The following IGFBP7 variants were observed in gnomAD, a reference collection of about 807,000 sequenced individuals.
IGFBP7 encodes the protein insulin-like growth factor-binding protein 7.
Under a neutral mutation model 29.4 loss-of-function variants are expected in IGFBP7, and 31 were observed. The observed-to-expected ratio is 1.05, with a 90% CI of 0.79 to 1.42. The LOEUF (loss-of-function observed/expected upper bound fraction) is 1.42, where lower values mean the gene tolerates loss of function less well. IGFBP7 is among the 40% of genes most tolerant of loss of function. The probability of loss-of-function intolerance (pLI) is 0.00; values close to 1 mark genes in which losing one functional copy is unlikely to be tolerated. For missense variants in IGFBP7, 393 were observed against 395.5 expected, an observed-to-expected ratio of 0.99 and a Z score of 0.05; for synonymous variants, 172 against 174.9, an observed-to-expected ratio of 0.98 and a Z score of 0.13.
At chr4:57,054,639 CAAAAAAA>C (rs75161514) in intron 1 of IGFBP7, among the ~76,000 whole-genome samples, 4 of 27,896 alleles carry the variant, frequency 1.4e-4, no homozygotes, top group Admixed American at 6.0e-4. Flanking sequence ...CTCTCTCTCA[CAAAAAAA>C]AAAAAAAAAA....
chr4:57,094,988 C>T (rs73242646), intron 1 of IGFBP7, among the ~76,000 whole-genome samples: 18,240 of 152,270 alleles, frequency 0.12, 1,211 homozygotes, highest in African/African-American at 0.17. Context: ...AGCACCCCTC[C>T]TACAGTCTGT....
intron 1 of IGFBP7, among the ~76,000 whole-genome samples, chr4:57,078,616 C>T (rs987996102): frequency 6.6e-6 from 1 of 152,176 alleles, no homozygotes; most frequent in Admixed American, 6.5e-5. Flanking sequence ...CCTCCCCTCT[C>T]ACAGAACACC....
intron 1 of IGFBP7, among the ~76,000 whole-genome samples, chr4:57,092,715 T>C (rs1024573506): frequency 6.6e-6 from 1 of 150,762 alleles, no homozygotes. Context: ...GTAATTCCAA[T>C]TTGGGATCTA....
Position 57,032,500 on chromosome 4 carries a change from T to C in IGFBP7, c.755A>G (p.Asn252Ser), listed in dbSNP as rs779408606. 1.2e-6 allele frequency: 2 copies of C among 1,614,132 alleles called. No individual in the cohort carries two copies. Among genetic ancestry groups the C allele is most frequent in the Non-Finnish European group, 1.7e-6 (2 of 1,179,976 alleles). Residue 252 changes from asparagine to serine, a missense_variant, in exon 4 of 5, where the codon AAT becomes AGT. Transcript: ENST00000295666. ...DAGEYECHAS[N>S]SQGQASASAK... is the part of the protein sequence containing the mutation. ...TGATGCTGAAGCCTGTCCTTGGGAA[T>C]TGGATGCATGGCACTCATATTCTCC...
intron 2 of IGFBP7, among the ~76,000 whole-genome samples, chr4:57,034,644 A>G (rs1450145407): frequency 1.3e-5 from 2 of 152,106 alleles, no homozygotes; most frequent in African/African-American, 4.8e-5. Flanking sequence ...CACTCCTACC[A>G]TGTGTTTTTT....
rs1301908014 is a variant in IGFBP7 at position 57,110,247 on chromosome 4, G to A, written c.105C>T (p.Cys35=). The change falls in exon 1 of 5, where the codon TGC becomes TGT. Residue 35 remains cysteine (C), a synonymous_variant. Coordinates refer to ENST00000295666, the MANE Select transcript of IGFBP7 (RefSeq NM_001553.3). ...GCAGGGGCGGGCAGGAGGCCGGCTC[G>A]CAGGGGCCGCAGGTGTCCGAAGAGG... ...SSSSSDTCGP[C]EPASCPPLPP... 3 of 1,393,068 alleles carry A rather than the reference G, an allele frequency of 2.2e-6. No individual in the cohort carries two copies. The highest frequency in any genetic ancestry group is 1.5e-5 in the African/African-American group (1 of 66,736). 86.3% of individuals were successfully genotyped at this position (1,393,068 alleles called of 1,614,324 possible). A position where few individuals can be genotyped will look rare whatever the true frequency, so the allele number is the denominator to read the frequency against.
chr4:57,101,119 C>T (rs1337571388), intron 1 of IGFBP7, among the ~76,000 whole-genome samples: 1 of 152,226 alleles, frequency 6.6e-6, no homozygotes, highest in Non-Finnish European at 1.5e-5. Flanking sequence ...ACAGTGCTTT[C>T]ATATCTGTTA....
intron 1 of IGFBP7, among the ~76,000 whole-genome samples, chr4:57,070,587 C>G (rs556673567): frequency 2.0e-5 from 3 of 152,330 alleles, no homozygotes; most frequent in Non-Finnish European, 4.4e-5. Context: ...GCATTATCCT[C>G]TAGTTAAATG....
At chr4:57,099,592 G>A (rs945634804) in intron 1 of IGFBP7, among the ~76,000 whole-genome samples, 3 of 152,270 alleles carry the variant, frequency 2.0e-5, no homozygotes, top group African/African-American at 7.2e-5. Flanking sequence ...TTACTAGAAA[G>A]ACCTGGAAAA....
Position 57,110,138 on chromosome 4 carries a change from C to G in IGFBP7, c.214G>C (p.Gly72Arg). The G allele has an allele frequency of 3.4e-6, 5 of 1,491,936 alleles. No individual in the cohort carries two copies. Among genetic ancestry groups the G allele is most frequent in the South Asian group, 1.3e-5 (1 of 79,008 alleles). 92.4% of individuals were successfully genotyped at this position (1,491,936 alleles called of 1,614,324 possible). A position where few individuals can be genotyped will look rare whatever the true frequency, so the allele number is the denominator to read the frequency against. ...MCARGEGEPC[G>R]GGGAGRGYCA... ...TACCCCCTGCCGGCGCCGCCACCCC[C>G]GCACGGCTCGCCCTCGCCGCGGGCG... Residue 72 changes from glycine (G) to arginine (R), a missense_variant, in exon 1 of 5, where the codon GGG (glycine) becomes CGG (arginine). By Grantham distance (125) the Gly-to-Arg change is moderately radical. Coordinates refer to ENST00000295666, the MANE Select transcript of IGFBP7 (RefSeq NM_001553.3).
rs775662969 is a variant in IGFBP7, at chr4:57,031,288, A to G, written c.*29T>C. On this transcript the variant is annotated 3_prime_UTR_variant, in exon 5 of 5. Transcript: ENST00000295666. ...ATGTAGTTATCCATGACTACTTTTA[A>G]CCATGCAGACTAATAATATTCTGGA... 13 of 1,585,670 alleles carry G rather than the reference A, an allele frequency of 8.2e-6. 1 individual carries two copies. The South Asian group carries it at 1.1e-4, about 14-fold the overall frequency.
intron 1 of IGFBP7, among the ~76,000 whole-genome samples, chr4:57,083,529 G>C (rs909965598): frequency 6.6e-6 from 1 of 152,144 alleles, no homozygotes; most frequent in African/African-American, 2.4e-5. Context: ...GTTTACTACA[G>C]ATATTTAGTT....
rs1321595096 is a variant in IGFBP7, at chr4:57,040,875, G to T, written c.534C>A (p.Tyr178Ter). 6.2e-7 allele frequency: 1 copy of T among 1,614,168 alleles called. No homozygotes were observed. Among genetic ancestry groups the T allele is most frequent in the African/African-American group, 1.3e-5 (1 of 75,064 alleles). Residue 178 changes from tyrosine (Y) to a stop codon, truncating the protein, a stop_gained, in exon 2 of 5, where the codon TAC becomes TAA. Transcript: ENST00000295666. LOFTEE classifies it high-confidence loss of function. ...GGATTCCGATGACCTCACAGCTCAA[G>T]TACACCTGGGCACCAGTGACATTCC... is the stretch of plus-strand genomic sequence containing the variant. ...DIWNVTGAQV[Y>*]LSCEVIGIPT...
intron 1 of IGFBP7, among the ~76,000 whole-genome samples, chr4:57,052,484 G>A (rs1560494793): frequency 1.3e-5 from 2 of 152,186 alleles, no homozygotes; most frequent in Non-Finnish European, 2.9e-5. Context: ...TTTTAGCCCT[G>A]GGAAGGCTAT....
At position 57,050,887 on chromosome 4, in the gene IGFBP7, G is replaced by A. The variant is rs115479374; in HGVS notation, c.476-9954C>T. On this transcript the variant is annotated intron_variant, in intron 1 of 4. Coordinates refer to ENST00000295666, the MANE Select transcript of IGFBP7 (RefSeq NM_001553.3). The stretch of plus-strand genomic sequence containing the variant: ...GCTGAGTACATGCTAACATGGCTAA[G>A]ACATTTGAGTATGGGGACTTCTCCG... Among the ~76,000 whole-genome samples, 355 of 152,252 alleles carry A rather than the reference G, an allele frequency of 2.3e-3. 4 individuals are homozygous for A. Among genetic ancestry groups the A allele is most frequent in the African/African-American group, 8.2e-3 (339 of 41,546 alleles).
At chr4:57,059,682 A>G (rs754838182) in intron 1 of IGFBP7, among the ~76,000 whole-genome samples, 4 of 152,162 alleles carry the variant, frequency 2.6e-5, no homozygotes, top group South Asian at 2.1e-4. Context: ...TATGCTGTAC[A>G]ACAAACCTCC....
chr4:57,049,762 C>T (rs187085166), intron 1 of IGFBP7, among the ~76,000 whole-genome samples: 22 of 152,184 alleles, frequency 1.4e-4, no homozygotes, highest in South Asian at 4.2e-4. Flanking sequence ...CCAGGAACTA[C>T]GGAATCAAAA....
Position 57,033,078 on chromosome 4 carries a change from A to G in IGFBP7, c.702+117T>C, listed in dbSNP as rs1723981865. 5.0e-6 allele frequency: 4 copies of G among 795,724 alleles called. No homozygotes were observed. In the East Asian group the frequency reaches 9.7e-5, roughly 19 times the overall value. 49.3% of individuals were successfully genotyped at this position (795,724 alleles called of 1,614,324 possible). ...CGACTCCATGGTAAGGCTATTCCAA[A>G]CAGATGTGGAAGAGCAAGCACCTTT... is the stretch of plus-strand genomic sequence containing the variant. On this transcript the variant is annotated intron_variant, in intron 3 of 4. Transcript: ENST00000295666.
intron 1 of IGFBP7, among the ~76,000 whole-genome samples, 173 bp from the exon 2 acceptor site, chr4:57,041,106 T>C (rs1466368525): frequency 6.6e-6 from 1 of 152,222 alleles, no homozygotes; most frequent in African/African-American, 2.4e-5. Flanking sequence ...GATTTTAAGG[T>C]CCACTTTGGG....
Sources: allele counts gnomAD v4.1 joint callset (sites outside exome capture counted in the v4.1 genomes callset), GRCh38; gene constraint gnomAD v4.1.1; transcripts MANE v1.5; gene names NCBI Gene and HGNC (gene_info 2026-07-23, HGNC 2026-07-21).